Variants in PHLDB2 observed in about 807,000 individuals in gnomAD.
The protein encoded by PHLDB2 is pleckstrin homology like domain family B member 2.
A neutral mutation model predicts 123.6 loss-of-function variants in PHLDB2; 71 were observed. The ratio of observed to expected loss-of-function variants is 0.57; its 90% CI spans 0.47 to 0.70. The LOEUF (loss-of-function observed/expected upper bound fraction) is 0.70. PHLDB2 is among the 30% of genes least tolerant of loss of function. PHLDB2 has a pLI of 0.00. For synonymous variants in PHLDB2, 547 were observed against 541.6 expected (o/e 1.01, Z -0.14); for missense variants, 1,446 against 1,519.5 (o/e 0.95, Z 0.80).
At chr3:111,859,870 G>A (rs751964580) in intron 1 of PHLDB2, 8 of 985,708 alleles carry the variant, frequency 8.1e-6, no homozygotes, top group Non-Finnish European at 8.4e-6. Context: ...TTGGAGGAAA[G>A]ATGAGACGGT....
chr3:111,832,136 C>A (rs923503159), intron 1 of PHLDB2, among the ~76,000 whole-genome samples: 5 of 152,268 alleles, frequency 3.3e-5, no homozygotes, highest in Admixed American at 2.0e-4. Context: ...TGCCCAGATA[C>A]ACCCTTGACT....
At chr3:111,872,391 T>A (rs1051664790) in intron 1 of PHLDB2, among the ~76,000 whole-genome samples, 11 of 152,196 alleles carry the variant, frequency 7.2e-5, no homozygotes, top group Admixed American at 4.6e-4. Flanking sequence ...CTCTTACACA[T>A]GTTAACACAG....
intron 1 of PHLDB2, among the ~76,000 whole-genome samples, chr3:111,812,991 C>G (rs943208964): frequency 6.6e-6 from 1 of 152,164 alleles, no homozygotes; most frequent in African/African-American, 2.4e-5. Flanking sequence ...TAATAGCTAT[C>G]CTTTCTCAGA....
At chr3:111,909,253 C>G (rs531161012) in intron 2 of PHLDB2, among the ~76,000 whole-genome samples, 3 of 152,280 alleles carry the variant, frequency 2.0e-5, no homozygotes, top group African/African-American at 7.2e-5. Context: ...CTATAAACTT[C>G]TGTTATCACT....
At chr3:111,859,685 G>C (rs1260905664) in intron 1 of PHLDB2, 109 bp downstream of exon 1, 2 of 985,316 alleles carry the variant, frequency 2.0e-6, no homozygotes, top group African/African-American at 3.5e-5. Flanking sequence ...GGTTGCCGCC[G>C]GTTGCGCTGC....
At chr3:111,897,365 T>G (rs1274815810) in intron 2 of PHLDB2, among the ~76,000 whole-genome samples, 1 of 152,140 alleles carries the variant, frequency 6.6e-6, no homozygotes, top group South Asian at 2.1e-4. Flanking sequence ...GAGTCTTCTG[T>G]TTTTTTCCCC....
At chr3:111,900,327 C>G (rs2067121611) in intron 2 of PHLDB2, among the ~76,000 whole-genome samples, 1 of 152,222 alleles carries the variant, frequency 6.6e-6, no homozygotes. Flanking sequence ...TTTGGCCTAT[C>G]TCATTTTTGG....
intron 1 of PHLDB2, among the ~76,000 whole-genome samples, chr3:111,875,441 C>T (rs1486114342): frequency 2.0e-5 from 3 of 151,868 alleles, no homozygotes; most frequent in African/African-American, 7.3e-5. Context: ...TGAGGCACCA[C>T]GCCTGGCAAA....
chr3:111,954,300 C>T (rs3749299), intron 12 of PHLDB2, among the ~76,000 whole-genome samples: 54,872 of 151,938 alleles, frequency 0.36, 11,720 homozygotes, highest in East Asian at 0.84. Flanking sequence ...CCTTCCCATT[C>T]GATTAATAGA....
intron 10 of PHLDB2, 118 bp from the exon 11 acceptor site, chr3:111,952,454 T>G: frequency 8.6e-7 from 1 of 1,156,832 alleles, no homozygotes; most frequent in Non-Finnish European, 1.2e-6. Context: ...TTGAATAACT[T>G]TAAGAAAAAT....
At chr3:111,813,986 A>AG (rs1367594223) in intron 1 of PHLDB2, among the ~76,000 whole-genome samples, 1 of 152,208 alleles carries the variant, frequency 6.6e-6, no homozygotes, top group Non-Finnish European at 1.5e-5. Context: ...ATTTGCTAAG[A>AG]GGGAGATCTT....
At chr3:111,807,162 TG>T (rs1388825070) in intron 1 of PHLDB2, among the ~76,000 whole-genome samples, 3 of 152,012 alleles carry the variant, frequency 2.0e-5, no homozygotes, top group Admixed American at 2.0e-4. Context: ...TCAACTTATC[TG>T]AGATTCAATT....
chr3:111,762,416 G>A (rs753036556), intron 1 of PHLDB2, among the ~76,000 whole-genome samples: 10 of 152,096 alleles, frequency 6.6e-5, no homozygotes, highest in Non-Finnish European at 1.3e-4. Context: ...TAAATTTTGA[G>A]GTGTTTATCC....
At chr3:111,877,870 T>C (rs974537247) in intron 1 of PHLDB2, among the ~76,000 whole-genome samples, 2 of 146,258 alleles carry the variant, frequency 1.4e-5, no homozygotes, top group Non-Finnish European at 2.9e-5. Context: ...AAAGATCAGA[T>C]GGTTGTAGAT....
chr3:111,939,986 AGTT>A (rs1186673780), intron 7 of PHLDB2, among the ~76,000 whole-genome samples: 1 of 152,186 alleles, frequency 6.6e-6, no homozygotes, highest in Non-Finnish European at 1.5e-5. Context: ...ATTGCTCAGT[AGTT>A]CTCAAAACTG....
chr3:111,920,059 T>C (rs1478492658), intron 4 of PHLDB2, among the ~76,000 whole-genome samples: 1 of 152,208 alleles, frequency 6.6e-6, no homozygotes, highest in African/African-American at 2.4e-5. Flanking sequence ...AGTTAAGTGA[T>C]AAGATAGCTA....
chr3:111,911,841 C>A, intron 2 of PHLDB2: 1 of 817,394 alleles, frequency 1.2e-6, no homozygotes, highest in Non-Finnish European at 2.0e-6. Context: ...CCTTAAATAT[C>A]TGTCTTGTCA....
chr3:111,852,838 T>C (rs1352676445), intron 2 of PHLDB2, among the ~76,000 whole-genome samples: 2 of 151,876 alleles, frequency 1.3e-5, no homozygotes, highest in Non-Finnish European at 2.9e-5. Flanking sequence ...CAGAAAAGAT[T>C]GGGGGTAGGG....
intron 17 of PHLDB2, 70 bp downstream of exon 17, chr3:111,973,887 C>A: frequency 2.0e-6 from 2 of 986,694 alleles, no homozygotes; most frequent in South Asian, 1.6e-5. Context: ...TTTTTGGAGT[C>A]TAAGAAGTTT....
Sources: gnomAD v4.1 joint callset for allele counts (sites outside exome capture counted in the v4.1 genomes callset) on GRCh38, gnomAD v4.1.1 for gene constraint, MANE v1.5 for transcripts, NCBI Gene and HGNC (gene_info 2026-07-23, HGNC 2026-07-21) for gene names.